The following CENPW variants were observed in gnomAD, a reference collection of about 807,000 sequenced individuals.
CENPW encodes the protein centromere protein W.
CENPW carries 3 observed loss-of-function variants against 11.1 expected under a neutral mutation model. The observed-to-expected ratio is 0.27, with a 90% CI of 0.12 to 0.70. The LOEUF (loss-of-function observed/expected upper bound fraction) is 0.70, where lower values mean the gene tolerates loss of function less well. CENPW is among the 30% of genes least tolerant of loss of function. CENPW has a pLI of 0.77. For missense variants in CENPW, 100 were observed against 105.6 expected (o/e 0.95, Z 0.23); for synonymous variants, 38 against 42.0 (o/e 0.91, Z 0.37).
chr6:126,435,184 T>C, the CENPW span, among the ~76,000 whole-genome samples: 21 of 151,962 alleles, frequency 1.4e-4, no homozygotes, highest in Non-Finnish European at 3.1e-4. Flanking sequence ...ACTTATTTAA[T>C]GGTATGTTGT....
At chr6:126,350,990 A>G (rs550316854), downstream of CENPW, among the ~76,000 whole-genome samples, 11 of 152,002 alleles carry the variant, frequency 7.2e-5, no homozygotes, top group African/African-American at 2.7e-4. Context: ...GAGCTGGACT[A>G]GGGAATTTTG....
At chr6:126,377,482 C>G in the CENPW span, among the ~76,000 whole-genome samples, 1 of 152,136 alleles carries the variant, frequency 6.6e-6, no homozygotes, top group African/African-American at 2.4e-5. Flanking sequence ...CTTAAATAAA[C>G]TATCTGTTAT....
chr6:126,455,597 ACCTACAG>A, the CENPW span, among the ~76,000 whole-genome samples: 1 of 151,500 alleles, frequency 6.6e-6, no homozygotes, highest in Non-Finnish European at 1.5e-5. Context: ...TCTATGACAA[ACCTACAG>A]CCAGTATCAT....
chr6:126,479,882 T>C, the CENPW span, among the ~76,000 whole-genome samples: 1 of 151,646 alleles, frequency 6.6e-6, no homozygotes, highest in African/African-American at 2.4e-5. Context: ...GCTTTTACTC[T>C]TTTTTTTCTT....
the CENPW span, among the ~76,000 whole-genome samples, chr6:126,473,798 A>C: frequency 2.0e-5 from 3 of 150,506 alleles, no homozygotes; most frequent in Non-Finnish European, 3.0e-5. Flanking sequence ...TATAGAATAT[A>C]TATGCACAGC....
the CENPW span, among the ~76,000 whole-genome samples, chr6:126,479,767 A>G: frequency 6.6e-6 from 1 of 152,064 alleles, no homozygotes; most frequent in Non-Finnish European, 1.5e-5. Flanking sequence ...CTATAATTTT[A>G]AGAGGTATCT....
At chr6:126,380,679 TATTTA>T in the CENPW span, among the ~76,000 whole-genome samples, 1 of 152,230 alleles carries the variant, frequency 6.6e-6, no homozygotes, top group Non-Finnish European at 1.5e-5. Context: ...TTTGCTTATT[TATTTA>T]ATACATATTT....
chr6:126,405,684 G>GT, the CENPW span, among the ~76,000 whole-genome samples: 1 of 151,802 alleles, frequency 6.6e-6, no homozygotes, highest in East Asian at 1.9e-4. Flanking sequence ...TCTTTAATTG[G>GT]TTTTTTATAG....
downstream of CENPW, among the ~76,000 whole-genome samples, chr6:126,350,079 C>CT (rs1352366599): frequency 1.3e-5 from 2 of 152,092 alleles, no homozygotes; most frequent in African/African-American, 4.8e-5. Context: ...TCCAGGGTGG[C>CT]TGTACCATTT....
the CENPW span, among the ~76,000 whole-genome samples, chr6:126,471,572 C>T: frequency 2.0e-5 from 3 of 152,114 alleles, no homozygotes; most frequent in African/African-American, 7.2e-5. Context: ...TGTTCATCAA[C>T]ACTGGAATGG....
At chr6:126,351,859 T>A (rs1321573130), downstream of CENPW, among the ~76,000 whole-genome samples, 1 of 152,110 alleles carries the variant, frequency 6.6e-6, no homozygotes, top group East Asian at 1.9e-4. Context: ...TAGTTCTTCT[T>A]CCTCAGTATT....
the CENPW span, among the ~76,000 whole-genome samples, chr6:126,479,450 C>A: frequency 1.3e-5 from 2 of 151,934 alleles, no homozygotes; most frequent in African/African-American, 4.8e-5. Flanking sequence ...TTCCCCCTCC[C>A]AGCAGTAGAC....
At chr6:126,344,077 A>G (rs945446002) in intron 1 of CENPW, among the ~76,000 whole-genome samples, 3 of 147,052 alleles carry the variant, frequency 2.0e-5, no homozygotes, top group African/African-American at 7.3e-5. Context: ...GTCTTCATGC[A>G]ATAATAATTA....
chr6:126,468,155 C>G, the CENPW span, among the ~76,000 whole-genome samples: 1 of 152,076 alleles, frequency 6.6e-6, no homozygotes, highest in East Asian at 1.9e-4. Flanking sequence ...TGCTCTGGCT[C>G]ATGCCTGTAA....
At chr6:126,448,274 T>A in the CENPW span, among the ~76,000 whole-genome samples, 2 of 151,130 alleles carry the variant, frequency 1.3e-5, no homozygotes, top group African/African-American at 4.8e-5. Context: ...CCAGCTTAAC[T>A]TACTGATTGT....
chr6:126,388,508 A>G, the CENPW span, among the ~76,000 whole-genome samples: 4 of 152,014 alleles, frequency 2.6e-5, no homozygotes, highest in Non-Finnish European at 5.9e-5. Context: ...CCACAGATGG[A>G]TAACACACAG....
chr6:126,449,649 G>A, the CENPW span, among the ~76,000 whole-genome samples: 2 of 151,052 alleles, frequency 1.3e-5, no homozygotes, highest in Non-Finnish European at 3.0e-5. Context: ...CTAGTAAATA[G>A]CTTCACAAAG....
chr6:126,431,907 A>G, the CENPW span, among the ~76,000 whole-genome samples: 2 of 151,752 alleles, frequency 1.3e-5, no homozygotes, highest in Non-Finnish European at 2.9e-5. Context: ...TCTATTAAAT[A>G]TACAAAAATT....
At chr6:126,429,696 C>G in the CENPW span, among the ~76,000 whole-genome samples, 22 of 152,124 alleles carry the variant, frequency 1.4e-4, no homozygotes, top group Non-Finnish European at 2.9e-4. Context: ...CAAGAATGGC[C>G]TAATACAATT....
Sources: allele counts gnomAD v4.1 joint callset (sites outside exome capture counted in the v4.1 genomes callset), GRCh38; gene constraint gnomAD v4.1.1; transcripts MANE v1.5; gene names NCBI Gene and HGNC (gene_info 2026-07-23, HGNC 2026-07-21).